The following GSAP variants were observed in gnomAD, a reference collection of about 807,000 sequenced individuals.
The protein encoded by GSAP is gamma-secretase activating protein.
GSAP carries 118 observed loss-of-function variants against 131.7 expected under a neutral mutation model. The ratio of observed to expected loss-of-function variants is 0.90; its 90% confidence interval spans 0.77 to 1.04. The LOEUF (loss-of-function observed/expected upper bound fraction) is 1.04. Ranked by LOEUF, GSAP falls within the 50% of genes least tolerant of loss-of-function variation. The pLI, the probability that GSAP is intolerant of heterozygous loss-of-function variation, is 0.00. For synonymous variants in GSAP, 381 were observed against 363.4 expected, an observed-to-expected ratio of 1.05 and a Z score of -0.55; for missense variants, 1,019 against 1,013.2, an observed-to-expected ratio of 1.01 and a Z score of -0.08.
intron 1 of GSAP, 112 bp downstream of exon 1, chr7:77,416,101 G>C (rs1017223812): frequency 5.3e-6 from 3 of 569,708 alleles, no homozygotes; most frequent in African/African-American, 4.0e-5. Context: ...CCTCGCACCA[G>C]CCTTCTCAGG....
chr7:77,323,026 A>C (rs2150632035), intron 24 of GSAP, among the ~76,000 whole-genome samples: 1 of 152,328 alleles, frequency 6.6e-6, no homozygotes, highest in African/African-American at 2.4e-5. Context: ...TGAATTTGTC[A>C]AACATTATTT....
chr7:77,389,250 A>G (rs1046346199), intron 5 of GSAP, among the ~76,000 whole-genome samples: 4 of 151,120 alleles, frequency 2.6e-5, no homozygotes, highest in African/African-American at 7.3e-5. Context: ...GTGTGTGTGT[A>G]TATATATATA....
intron 1 of GSAP, chr7:77,415,852 C>A (rs909236958): frequency 4.5e-6 from 1 of 220,162 alleles, no homozygotes; most frequent in African/African-American, 2.3e-5. Context: ...GATGAACCCC[C>A]CGGGAGGTGG....
intron 27 of GSAP, 97 bp downstream of exon 27, chr7:77,314,273 C>T: frequency 7.7e-7 from 1 of 1,299,816 alleles, no homozygotes; most frequent in Non-Finnish European, 1.1e-6. Context: ...TGAGTGCAGC[C>T]AGGCTCTTGG....
chr7:77,415,379 C>G (rs1804171282), intron 1 of GSAP: 1 of 152,254 alleles, frequency 6.6e-6, no homozygotes. Flanking sequence ...TGCTTTGAAG[C>G]TGCATTTAAG....
rs1195875845 is a variant in GSAP, at chr7:77,370,313, TA to T, written c.871+3756del. Among the ~76,000 whole-genome samples the T allele has an allele frequency of 2.6e-5, 4 of 151,954 alleles. No individual in the cohort carries two copies. In the East Asian group the frequency reaches 7.7e-4, roughly 29 times the overall value. ...TCTCCACTAAAAATACAAAAAAAATTAGCCAGGCATGGTGATGTGTGCCTGT... is the reference window on the plus strand; with the variant it reads ...TCTCCACTAAAAATACAAAAAAAATTGCCAGGCATGGTGATGTGTGCCTGT... On this transcript the variant is annotated intron_variant, in intron 12 of 30. Coordinates refer to ENST00000257626, the MANE Select transcript of GSAP (RefSeq NM_017439.4).
chr7:77,351,731 T>G (rs1792892409), intron 18 of GSAP: 1 of 985,790 alleles, frequency 1.0e-6, no homozygotes. Context: ...CAGGGTGATA[T>G]TCTCACACCA....
Position 77,353,867 on chromosome 7 carries a change from C to T in GSAP, c.1339-226G>A, listed in dbSNP as rs914001031. On this transcript the variant is annotated intron_variant, in intron 16 of 30. Transcript: ENST00000257626. ...TTTTATACATCTTTTTAATAAATCT[C>T]CTTGGCTGGAAACCAAATAAACGTT... Among the ~76,000 whole-genome samples, 2 of 152,170 alleles carry T rather than the reference C, an allele frequency of 1.3e-5. 1 individual carries two copies. The highest frequency in any genetic ancestry group is 3.8e-4 in the East Asian group (2 of 5,198).
chr7:77,416,490 C>T (rs561057958), upstream of GSAP: 46 of 413,148 alleles, frequency 1.1e-4, no homozygotes, highest in Middle Eastern at 3.2e-3. Flanking sequence ...CCGGCACCAG[C>T]TCCTCCCGGC....
intron 13 of GSAP, 83 bp from the exon 14 acceptor site, chr7:77,360,984 T>C (rs143738803): frequency 3.9e-6 from 3 of 774,138 alleles, no homozygotes; most frequent in Admixed American, 1.9e-5. Context: ...TAACACACTA[T>C]ATTTTCAGTG....
At chr7:77,407,785 A>C (rs887108738) in intron 1 of GSAP, among the ~76,000 whole-genome samples, 5 of 152,224 alleles carry the variant, frequency 3.3e-5, no homozygotes, top group African/African-American at 1.2e-4. Flanking sequence ...AGAAATATAT[A>C]CATATATTTA....
intron 18 of GSAP, 50 bp downstream of exon 18, chr7:77,352,894 C>T (rs745779337): frequency 1.9e-6 from 2 of 1,078,572 alleles, no homozygotes; most frequent in Non-Finnish European, 2.9e-6. Flanking sequence ...AACTGACCCA[C>T]AACTGTGAAT....
intron 22 of GSAP, among the ~76,000 whole-genome samples, chr7:77,327,824 C>G (rs1302882763): frequency 6.6e-6 from 1 of 152,076 alleles, no homozygotes; most frequent in Non-Finnish European, 1.5e-5. Flanking sequence ...CCTCCCTCCT[C>G]CAGCCATCCC....
chr7:77,337,621 G>A (rs557612062), intron 19 of GSAP, among the ~76,000 whole-genome samples: 1 of 152,278 alleles, frequency 6.6e-6, no homozygotes, highest in African/African-American at 2.4e-5. Context: ...GTGGCCATAA[G>A]TAGAAGGGAG....
intron 15 of GSAP, 27 bp from the exon 16 acceptor site, chr7:77,355,457 T>G (rs780281745): frequency 1.3e-6 from 2 of 1,497,888 alleles, no homozygotes; most frequent in Admixed American, 3.7e-5. Context: ...AAACAGTAGA[T>G]CAGCAAATAG....
intron 19 of GSAP, among the ~76,000 whole-genome samples, chr7:77,345,084 C>CT (rs1293119760): frequency 6.6e-6 from 1 of 152,190 alleles, no homozygotes. Context: ...TGCTGAACCC[C>CT]CTTGGGCACT....
intron 26 of GSAP, chr7:77,316,321 A>T (rs1038534697): frequency 1.3e-5 from 2 of 152,228 alleles, no homozygotes; most frequent in Non-Finnish European, 2.9e-5. Context: ...CAAAAGGATG[A>T]TGCCCAACGA....
In GSAP at chr7:77,312,156, G is replaced by T; in HGVS notation, c.2318C>A (p.Ser773Tyr). Reference protein sequence around the residue: ...ICRLWDHPMSSNIISRNHVTR... With the variant: ...ICRLWDHPMSYNIISRNHVTR... ...CACGTGGTTCCGCGAAATGATGTTA[G>T]AACTCATAGGATGATCCCAAAGTCT... The change falls in exon 29 of 31, where the codon TCT becomes TAT. Residue 773 changes from serine (S) to tyrosine (Y), a missense_variant. Transcript: ENST00000257626. 1 of 1,604,312 alleles carries T rather than the reference G, an allele frequency of 6.2e-7. No homozygotes were observed. Among genetic ancestry groups the T allele is most frequent in the East Asian group, 2.2e-5 (1 of 44,804 alleles).
intron 5 of GSAP, among the ~76,000 whole-genome samples, chr7:77,392,408 C>T (rs1028876221): frequency 2.0e-5 from 3 of 151,066 alleles, no homozygotes; most frequent in African/African-American, 4.9e-5. Context: ...ATTAGCCAGG[C>T]GTGGTGGCGC....
Sources: gnomAD v4.1 joint callset for allele counts (sites outside exome capture counted in the v4.1 genomes callset) on GRCh38, gnomAD v4.1.1 for gene constraint, MANE v1.5 for transcripts, NCBI Gene and HGNC (gene_info 2026-07-23, HGNC 2026-07-21) for gene names.